CNTN5: variants seen among roughly 807,000 people sequenced by gnomAD.
CNTN5 encodes the protein contactin-5.
Under a neutral mutation model 129.1 loss-of-function variants are expected in CNTN5, and 77 were observed. That is an observed-to-expected ratio of 0.60 (90% CI 0.50 to 0.72). CNTN5 has a LOEUF of 0.72. Among genes scored for constraint, CNTN5 ranks in the 30% least tolerant of loss-of-function variants. The pLI, the probability that CNTN5 is intolerant of heterozygous loss-of-function variation, is 0.00. For synonymous variants in CNTN5, 509 were observed against 465.6 expected (o/e 1.09, Z -1.20); for missense variants, 1,478 against 1,328.8 (o/e 1.11, Z -1.75).
In CNTN5 at chr11:100,260,716, G is replaced by C. The variant is rs1382175045; in HGVS notation, c.2164+4798G>C. ...AAACCACATGATTATCTCAATATAT[G>C]CAGAAAAGGAGTTTAATAAAATTCA... On this transcript the variant is annotated intron_variant, in intron 17 of 24. Transcript: ENST00000524871. 6.6e-5 allele frequency among the ~76,000 whole-genome samples: 10 copies of C among 152,264 alleles called. No individual in the cohort carries two copies. The South Asian group carries it at 1.2e-3, about 19-fold the overall frequency.
chr11:99,651,483 T>A (rs628694), intron 3 of CNTN5, among the ~76,000 whole-genome samples: 92,906 of 151,764 alleles, frequency 0.61, 29,383 homozygotes, highest in Admixed American at 0.7. Flanking sequence ...GTAATATCAT[T>A]GAACAAGCTC....
chr11:99,816,000 A>C (rs1946574658), intron 3 of CNTN5, among the ~76,000 whole-genome samples: 1 of 152,084 alleles, frequency 6.6e-6, no homozygotes, highest in Non-Finnish European at 1.5e-5. Flanking sequence ...TCCTTCAGTG[A>C]GCCTTCAACT....
At chr11:99,664,681 G>A (rs1231297407) in intron 3 of CNTN5, among the ~76,000 whole-genome samples, 2 of 152,120 alleles carry the variant, frequency 1.3e-5, no homozygotes, top group Non-Finnish European at 2.9e-5. Context: ...GAACTATTAT[G>A]CTGATTACAA....
chr11:99,572,335 A>C (rs1234020845), intron 3 of CNTN5, among the ~76,000 whole-genome samples: 7 of 152,206 alleles, frequency 4.6e-5, no homozygotes, highest in Non-Finnish European at 1.0e-4. Flanking sequence ...AAAATTTACA[A>C]ATTTATGTTG....
At chr11:99,167,967 A>C (rs1257479794) in intron 1 of CNTN5, among the ~76,000 whole-genome samples, 1 of 151,402 alleles carries the variant, frequency 6.6e-6, no homozygotes, top group East Asian at 2.0e-4. Flanking sequence ...ATAGCATGTC[A>C]ATCTGTTCCC....
At chr11:99,046,626 G>A (rs543136606) in intron 1 of CNTN5, among the ~76,000 whole-genome samples, 2 of 152,210 alleles carry the variant, frequency 1.3e-5, no homozygotes, top group Admixed American at 6.5e-5. Flanking sequence ...GCCGAGAAAG[G>A]TATAATATCT....
At chr11:99,075,935 A>G (rs1865548772) in intron 1 of CNTN5, among the ~76,000 whole-genome samples, 1 of 152,318 alleles carries the variant, frequency 6.6e-6, no homozygotes, top group South Asian at 2.1e-4. Context: ...GACTTTATAT[A>G]ATATCATTTA....
intron 9 of CNTN5, 52 bp downstream of exon 9, chr11:100,002,188 A>G (rs1939917844): frequency 1.1e-5 from 13 of 1,190,950 alleles, no homozygotes; most frequent in Middle Eastern, 1.9e-4. Context: ...AAAATGTGAC[A>G]TATCTTATTT....
chr11:99,934,395 C>T (rs983396135), intron 7 of CNTN5, among the ~76,000 whole-genome samples: 1 of 152,118 alleles, frequency 6.6e-6, no homozygotes, highest in African/African-American at 2.4e-5. Flanking sequence ...GTTTAAATAA[C>T]AATTGACAGT....
chr11:99,284,353 T>C (rs1427826435), intron 1 of CNTN5, among the ~76,000 whole-genome samples: 1 of 152,150 alleles, frequency 6.6e-6, no homozygotes. Context: ...GAGAAATGTT[T>C]ATTTTAAATT....
chr11:99,185,153 A>G (rs1192114056), intron 1 of CNTN5, among the ~76,000 whole-genome samples: 1 of 151,892 alleles, frequency 6.6e-6, no homozygotes, highest in Non-Finnish European at 1.5e-5. Flanking sequence ...CAACAAGAAC[A>G]GAAAAAAAGG....
At chr11:99,100,347 T>C (rs930161282) in intron 1 of CNTN5, among the ~76,000 whole-genome samples, 1 of 152,160 alleles carries the variant, frequency 6.6e-6, no homozygotes, top group Non-Finnish European at 1.5e-5. Context: ...AATCAAATCA[T>C]GTAAGAACAA....
chr11:99,549,670 AG>A (rs1201407566), intron 2 of CNTN5, among the ~76,000 whole-genome samples: 6 of 152,134 alleles, frequency 3.9e-5, no homozygotes, highest in African/African-American at 1.4e-4. Context: ...ATTGCCAGAA[AG>A]GAAATCTACT....
At chr11:99,517,026 C>G (rs1266246700) in intron 2 of CNTN5, among the ~76,000 whole-genome samples, 1 of 152,020 alleles carries the variant, frequency 6.6e-6, no homozygotes, top group African/African-American at 2.4e-5. Flanking sequence ...GGGAGGGAAA[C>G]TAAATCTGTT....
intron 2 of CNTN5, among the ~76,000 whole-genome samples, chr11:99,419,395 A>T (rs1942792686): frequency 1.3e-5 from 2 of 152,086 alleles, no homozygotes. Flanking sequence ...GTTTTATATT[A>T]AAAAAAATTT....
intron 13 of CNTN5, among the ~76,000 whole-genome samples, chr11:100,112,846 A>G (rs1388736521): frequency 6.6e-6 from 1 of 152,150 alleles, no homozygotes; most frequent in Non-Finnish European, 1.5e-5. Context: ...CCTTTTAACA[A>G]CAGTAATTGA....
intron 1 of CNTN5, among the ~76,000 whole-genome samples, chr11:99,217,587 A>G (rs890055881): frequency 2.0e-5 from 3 of 152,178 alleles, no homozygotes; most frequent in Non-Finnish European, 1.5e-5. Context: ...CACTTTGAGT[A>G]GCAAGGTCTG....
intron 1 of CNTN5, among the ~76,000 whole-genome samples, chr11:99,269,984 T>G (rs1164243609): frequency 6.6e-6 from 1 of 151,866 alleles, no homozygotes; most frequent in Non-Finnish European, 1.5e-5. Flanking sequence ...GGTAAACATT[T>G]ACATGCTATG....
chr11:99,837,724 G>A (rs1381045401), intron 4 of CNTN5, among the ~76,000 whole-genome samples: 1 of 149,342 alleles, frequency 6.7e-6, no homozygotes, highest in Non-Finnish European at 1.5e-5. Context: ...TATCACATGT[G>A]ATAATGATGA....
Sources: gnomAD v4.1 joint callset for allele counts (sites outside exome capture counted in the v4.1 genomes callset) on GRCh38, gnomAD v4.1.1 for gene constraint, MANE v1.5 for transcripts, NCBI Gene and HGNC (gene_info 2026-07-23, HGNC 2026-07-21) for gene names.